HHAT: variants seen among roughly 807,000 people sequenced by gnomAD.
HHAT encodes the protein protein-cysteine N-palmitoyltransferase HHAT.
A neutral mutation model predicts 70.8 loss-of-function variants in HHAT; 47 were observed. That is an observed-to-expected ratio of 0.66 (90% confidence interval 0.53 to 0.85). The LOEUF (loss-of-function observed/expected upper bound fraction) is 0.85. Ranked by LOEUF, HHAT falls within the 40% of genes least tolerant of loss-of-function variation. HHAT has a pLI of 0.00. For missense variants in HHAT, 609 were observed against 604.8 expected (o/e 1.01, Z -0.07); for synonymous variants, 228 against 247.6 (o/e 0.92, Z 0.74).
At chr1:210,592,286 G>C (rs892004878) in intron 10 of HHAT, among the ~76,000 whole-genome samples, 12 of 152,142 alleles carry the variant, frequency 7.9e-5, no homozygotes, top group African/African-American at 2.6e-4. Context: ...TTTTTGAAGA[G>C]ATTGTCTTTC....
intron 8 of HHAT, among the ~76,000 whole-genome samples, 180 bp from the exon 9 acceptor site, chr1:210,512,973 G>A (rs901485699): frequency 6.6e-6 from 1 of 152,184 alleles, no homozygotes; most frequent in African/African-American, 2.4e-5. Context: ...GGCCTGAGAA[G>A]CTGCGATTCC....
At chr1:210,452,917 C>G (rs1441671359) in intron 7 of HHAT, among the ~76,000 whole-genome samples, 1 of 152,170 alleles carries the variant, frequency 6.6e-6, no homozygotes, top group South Asian at 2.1e-4. Flanking sequence ...GTGGAATGTA[C>G]ATTAGAGTCC....
chr1:210,359,588 A>G (rs1204710082), intron 2 of HHAT, among the ~76,000 whole-genome samples: 1 of 152,126 alleles, frequency 6.6e-6, no homozygotes, highest in Non-Finnish European at 1.5e-5. Flanking sequence ...CGACCTGACC[A>G]ATCAGCCCTG....
chr1:210,601,355 G>C (rs1664228731), intron 10 of HHAT, among the ~76,000 whole-genome samples: 1 of 152,122 alleles, frequency 6.6e-6, no homozygotes, highest in South Asian at 2.1e-4. Context: ...AGTAGTCCAA[G>C]CCCCAACTAA....
chr1:210,383,190 A>C (rs2090782694), intron 3 of HHAT, among the ~76,000 whole-genome samples: 1 of 152,048 alleles, frequency 6.6e-6, no homozygotes, highest in South Asian at 2.1e-4. Context: ...AACTACAAAA[A>C]TTAGCCAGGT....
intron 7 of HHAT, among the ~76,000 whole-genome samples, chr1:210,455,882 T>A (rs1476604971): frequency 6.6e-6 from 1 of 152,218 alleles, no homozygotes; most frequent in African/African-American, 2.4e-5. Context: ...ACTGTTTGTG[T>A]GATTATTGTT....
At chr1:210,414,741 G>A (rs577909244) in intron 6 of HHAT, among the ~76,000 whole-genome samples, 3 of 152,060 alleles carry the variant, frequency 2.0e-5, no homozygotes, top group Non-Finnish European at 4.4e-5. Flanking sequence ...AATTTGGCTG[G>A]GTGTGATGGC....
intron 9 of HHAT, among the ~76,000 whole-genome samples, chr1:210,537,396 G>A (rs991270762): frequency 1.4e-4 from 21 of 152,134 alleles, no homozygotes; most frequent in Admixed American, 7.2e-4. Flanking sequence ...GTTGCATTCC[G>A]TCCCAGCGCA....
At chr1:210,558,912 G>C (rs1573314350) in intron 9 of HHAT, among the ~76,000 whole-genome samples, 1 of 152,142 alleles carries the variant, frequency 6.6e-6, no homozygotes, top group South Asian at 2.1e-4. Flanking sequence ...CTAATGATGA[G>C]GTCCTGTCTG....
intron 7 of HHAT, among the ~76,000 whole-genome samples, chr1:210,455,560 G>A (rs1481873332): frequency 1.3e-5 from 2 of 152,012 alleles, no homozygotes; most frequent in African/African-American, 2.4e-5. Context: ...TCTAGTAAAC[G>A]TGGTGACTTG....
intron 9 of HHAT, among the ~76,000 whole-genome samples, chr1:210,545,859 A>G (rs918992608): frequency 1.3e-5 from 2 of 152,174 alleles, no homozygotes; most frequent in Non-Finnish European, 2.9e-5. Flanking sequence ...TTCTGAAATG[A>G]TTTGGCTGCT....
intron 11 of HHAT, among the ~76,000 whole-genome samples, chr1:210,673,766 TTTATTTATTTATTTATTTA>T (rs1680600926): frequency 2.4e-4 from 2 of 8,250 alleles, no homozygotes; most frequent in African/African-American, 2.2e-3. Flanking sequence ...TTATTTATTA[TTTATTTATTTATTTATTTA>T]TTTATTTATT....
At chr1:210,647,294 T>C (rs1168797304) in intron 11 of HHAT, among the ~76,000 whole-genome samples, 1 of 152,228 alleles carries the variant, frequency 6.6e-6, no homozygotes. Context: ...CTCATTTAAC[T>C]TCATTACATC....
At chr1:210,628,697 A>G (rs558887471) in intron 11 of HHAT, among the ~76,000 whole-genome samples, 1 of 152,332 alleles carries the variant, frequency 6.6e-6, no homozygotes, top group East Asian at 1.9e-4. Flanking sequence ...AGCTGAGAGA[A>G]GAGAAAGTAT....
intron 11 of HHAT, among the ~76,000 whole-genome samples, chr1:210,654,062 CGGT>C (rs2148942071): frequency 1.6e-3 from 1 of 626 alleles, no homozygotes; most frequent in African/African-American, 6.7e-3. Context: ...AATAGTGTGA[CGGT>C]GGAATAGTGT....
intron 11 of HHAT, among the ~76,000 whole-genome samples, chr1:210,647,954 A>G (rs1369975458): frequency 6.6e-6 from 1 of 152,164 alleles, no homozygotes; most frequent in East Asian, 1.9e-4. Flanking sequence ...ATTGTAGTAA[A>G]GAGTCTGGCT....
intron 10 of HHAT, among the ~76,000 whole-genome samples, chr1:210,622,396 A>G (rs1233768701): frequency 6.6e-6 from 1 of 152,176 alleles, no homozygotes; most frequent in African/African-American, 2.4e-5. Flanking sequence ...CTCATTCTGA[A>G]CACACGGTCC....
At position 210,459,047 on chromosome 1, in the gene HHAT, A is replaced by AT. The variant is rs1278080161; in HGVS notation, c.857-5456dup. 4.6e-5 allele frequency among the ~76,000 whole-genome samples: 7 copies of AT among 152,268 alleles called. No homozygotes were observed. The East Asian group carries it at 1.2e-3, about 25-fold the overall frequency. Reference sequence around the variant, plus strand: ...TATAGTTTTCAGGGGGAGAAGCTAAATTCTGTTTTTGATGAGCTGAGTTTA... The same window carrying AT: ...TATAGTTTTCAGGGGGAGAAGCTAAATTTCTGTTTTTGATGAGCTGAGTTTA... On this transcript the variant is annotated intron_variant, in intron 7 of 11. Coordinates refer to ENST00000261458, the MANE Select transcript of HHAT (RefSeq NM_018194.6).
chr1:210,560,717 G>A (rs1391934566), intron 9 of HHAT, among the ~76,000 whole-genome samples: 1 of 145,562 alleles, frequency 6.9e-6, no homozygotes, highest in Non-Finnish European at 1.5e-5. Flanking sequence ...GCTGAGGCAA[G>A]AGGATGGATC....
Sources: allele counts gnomAD v4.1 joint callset (sites outside exome capture counted in the v4.1 genomes callset), GRCh38; gene constraint gnomAD v4.1.1; transcripts MANE v1.5; gene names NCBI Gene and HGNC (gene_info 2026-07-23, HGNC 2026-07-21).